The following FILIP1 variants were observed in gnomAD, a reference collection of about 807,000 sequenced individuals.
FILIP1 encodes the protein filamin-A-interacting protein 1.
Under a neutral mutation model 102.1 loss-of-function variants are expected in FILIP1, and 61 were observed. That is an observed-to-expected ratio of 0.60 (90% confidence interval 0.49 to 0.74). The LOEUF (loss-of-function observed/expected upper bound fraction) is 0.74. FILIP1 is among the 30% of genes least tolerant of loss of function. The pLI is 0.00. For synonymous variants in FILIP1, 491 were observed against 526.9 expected (o/e 0.93, Z 0.93); for missense variants, 1,314 against 1,441.2 (o/e 0.91, Z 1.43).
At chr6:75,444,984 G>A (rs1778398072) in intron 1 of FILIP1, among the ~76,000 whole-genome samples, 1 of 152,100 alleles carries the variant, frequency 6.6e-6, no homozygotes, top group Admixed American at 6.5e-5. Context: ...AGAGAACTGA[G>A]CCAGTATAAA....
chr6:75,385,386 G>T (rs1289635658), intron 2 of FILIP1, among the ~76,000 whole-genome samples: 1 of 152,056 alleles, frequency 6.6e-6, no homozygotes, highest in African/African-American at 2.4e-5. Context: ...AAGGAGTGCT[G>T]GCATACATAT....
intron 2 of FILIP1, among the ~76,000 whole-genome samples, chr6:75,366,265 T>G (rs1453279614): frequency 2.0e-5 from 3 of 152,362 alleles, no homozygotes; most frequent in Non-Finnish European, 2.9e-5. Context: ...TGGATAAAGG[T>G]AATCAGAAAT....
chr6:75,338,444 G>A (rs1774313166), intron 4 of FILIP1, among the ~76,000 whole-genome samples: 1 of 152,160 alleles, frequency 6.6e-6, no homozygotes, highest in African/African-American at 2.4e-5. Flanking sequence ...CAAAGAGCCA[G>A]AGAGGAGCAA....
intron 2 of FILIP1, among the ~76,000 whole-genome samples, chr6:75,392,207 C>T (rs577365369): frequency 1.3e-5 from 2 of 152,206 alleles, no homozygotes; most frequent in Non-Finnish European, 2.9e-5. Flanking sequence ...CCTTGGACCT[C>T]TTATCTTTTC....
chr6:75,298,933 T>C (rs1443708717), intron 6 of FILIP1, among the ~76,000 whole-genome samples: 1 of 152,048 alleles, frequency 6.6e-6, no homozygotes, highest in Non-Finnish European at 1.5e-5. Flanking sequence ...AAAATATTGC[T>C]TTAAGCCATT....
At chr6:75,442,134 G>C (rs1778281482) in intron 1 of FILIP1, among the ~76,000 whole-genome samples, 2 of 152,034 alleles carry the variant, frequency 1.3e-5, no homozygotes, top group South Asian at 4.2e-4. Flanking sequence ...GAGCAGAGGC[G>C]CTCCCCACAG....
chr6:75,442,472 C>T (rs1778298400), intron 1 of FILIP1, among the ~76,000 whole-genome samples: 4 of 152,354 alleles, frequency 2.6e-5, no homozygotes, highest in Middle Eastern at 3.4e-3. Context: ...CCATTGAGCA[C>T]TGAGTGAACC....
intron 5 of FILIP1, among the ~76,000 whole-genome samples, chr6:75,311,190 T>C (rs1211695085): frequency 6.6e-6 from 1 of 152,108 alleles, no homozygotes; most frequent in Non-Finnish European, 1.5e-5. Context: ...TATTTATTTA[T>C]TTACTTTTTT....
At chr6:75,345,257 T>C (rs768020306) in intron 4 of FILIP1, among the ~76,000 whole-genome samples, 47 of 152,152 alleles carry the variant, frequency 3.1e-4, no homozygotes, top group African/African-American at 1.1e-3. Flanking sequence ...TTTTGTACAA[T>C]TGATATAGGA....
chr6:75,383,817 T>C (rs1775985413), intron 2 of FILIP1, among the ~76,000 whole-genome samples: 1 of 152,158 alleles, frequency 6.6e-6, no homozygotes, highest in Admixed American at 6.6e-5. Context: ...GCAGAAAAGT[T>C]CAGTCATTTG....
intron 1 of FILIP1, among the ~76,000 whole-genome samples, chr6:75,440,925 G>C (rs1021626385): frequency 1.3e-5 from 2 of 150,452 alleles, no homozygotes; most frequent in African/African-American, 4.9e-5. Context: ...CTCCAGCCTG[G>C]GCAACAAGGA....
chr6:75,405,633 T>C (rs547289658), intron 2 of FILIP1, among the ~76,000 whole-genome samples: 1 of 152,078 alleles, frequency 6.6e-6, no homozygotes, highest in Non-Finnish European at 1.5e-5. Flanking sequence ...CAATGGTGAG[T>C]GCACTTGACA....
rs769032132 is a variant in FILIP1 at position 75,414,826 on chromosome 6, G to A, written c.147C>T (p.Val49=). 1 of 1,613,866 alleles carries A rather than the reference G, an allele frequency of 6.2e-7. No individual in the cohort carries two copies. Among genetic ancestry groups the A allele is most frequent in the Admixed American group, 1.7e-5 (1 of 59,990 alleles). ...GTCGTTTGACAGTTCCTGAGGCCAT[G>A]ACATCATCCTCCTTCCTATTTGATT... ...KKKSNRKEDD[V]MASGTVKRHL... is the part of the protein sequence containing the mutation. Residue 49 remains valine, a synonymous_variant, in exon 2 of 6, where the codon GTC becomes GTT. Transcript: ENST00000237172.
intron 1 of FILIP1, among the ~76,000 whole-genome samples, chr6:75,447,292 G>T (rs1301357001): frequency 6.6e-6 from 1 of 152,062 alleles, no homozygotes; most frequent in Non-Finnish European, 1.5e-5. Flanking sequence ...CTGGAAATCA[G>T]GTGCAGTATA....
chr6:75,297,360 G>A (rs1183087367), intron 6 of FILIP1, among the ~76,000 whole-genome samples: 1 of 152,114 alleles, frequency 6.6e-6, no homozygotes, highest in Non-Finnish European at 1.5e-5. Flanking sequence ...ATTTGGTGTC[G>A]TTAACTTTAC....
chr6:75,439,450 T>TA (rs2149717850), intron 1 of FILIP1, among the ~76,000 whole-genome samples: 1 of 152,134 alleles, frequency 6.6e-6, no homozygotes, highest in African/African-American at 2.4e-5. Context: ...CCTTTGAGAA[T>TA]AGAACAAAAG....
intron 1 of FILIP1, chr6:75,465,507 C>G: frequency 3.5e-6 from 3 of 859,138 alleles, no homozygotes; most frequent in South Asian, 2.9e-5. Context: ...AGCTTCAGTG[C>G]CTAATAATGT....
intron 3 of FILIP1, among the ~76,000 whole-genome samples, chr6:75,355,033 G>T (rs76406508): frequency 0.032 from 4,905 of 152,244 alleles, 135 homozygotes; most frequent in Non-Finnish European, 0.045. Flanking sequence ...AAAGGCTCAT[G>T]CCCGTAATCT....
chr6:75,422,752 T>C (rs965693041), intron 1 of FILIP1, among the ~76,000 whole-genome samples: 1 of 152,226 alleles, frequency 6.6e-6, no homozygotes, highest in Non-Finnish European at 1.5e-5. Flanking sequence ...ACTGCAGTTT[T>C]TGCATTGTTG....
Sources: allele counts gnomAD v4.1 joint callset (sites outside exome capture counted in the v4.1 genomes callset), GRCh38; gene constraint gnomAD v4.1.1; transcripts MANE v1.5; gene names NCBI Gene and HGNC (gene_info 2026-07-23, HGNC 2026-07-21).